The following THSD4 variants were observed in gnomAD, a reference collection of about 807,000 sequenced individuals.
The protein encoded by THSD4 is thrombospondin type 1 domain containing 4.
THSD4 carries 69 observed loss-of-function variants against 119.0 expected under a neutral mutation model. The observed-to-expected ratio is 0.58, with a 90% CI of 0.48 to 0.71. The LOEUF (loss-of-function observed/expected upper bound fraction) is 0.71, where lower values mean the gene tolerates loss of function less well. Ranked by LOEUF, THSD4 falls within the 30% of genes least tolerant of loss-of-function variation. THSD4 has a pLI of 0.00. For synonymous variants in THSD4, 524 were observed against 540.4 expected, an observed-to-expected ratio of 0.97 and a Z score of 0.42; for missense variants, 1,393 against 1,391.1, an observed-to-expected ratio of 1.00 and a Z score of -0.02.
At chr15:71,386,859 C>T (rs1185295310) in intron 6 of THSD4, among the ~76,000 whole-genome samples, 1 of 152,132 alleles carries the variant, frequency 6.6e-6, no homozygotes, top group Non-Finnish European at 1.5e-5. Context: ...CCAGTTGTTT[C>T]CTTGTTTTAG....
intron 6 of THSD4, among the ~76,000 whole-genome samples, chr15:71,343,929 G>A (rs1262805257): frequency 6.6e-6 from 1 of 151,602 alleles, no homozygotes; most frequent in African/African-American, 2.4e-5. Flanking sequence ...GCCTGGGCTG[G>A]TCTTAAACTC....
At chr15:71,553,786 T>G (rs552158206) in intron 7 of THSD4, among the ~76,000 whole-genome samples, 10 of 152,364 alleles carry the variant, frequency 6.6e-5, no homozygotes, top group African/African-American at 2.4e-4. Context: ...AATGCTCATA[T>G]GAGTTGTTTC....
chr15:71,493,191 C>G (rs2047949716), intron 7 of THSD4, among the ~76,000 whole-genome samples: 1 of 152,228 alleles, frequency 6.6e-6, no homozygotes. Flanking sequence ...CGTCAGATTT[C>G]ATGGGCTCTG....
chr15:71,123,662 C>G (rs1362545930), intron 1 of THSD4, among the ~76,000 whole-genome samples: 1 of 152,164 alleles, frequency 6.6e-6, no homozygotes, highest in African/African-American at 2.4e-5. Flanking sequence ...CTGGGGGACC[C>G]AGACAGGCAT....
At chr15:71,399,189 C>G (rs190869915) in intron 6 of THSD4, among the ~76,000 whole-genome samples, 1 of 152,240 alleles carries the variant, frequency 6.6e-6, no homozygotes, top group Non-Finnish European at 1.5e-5. Flanking sequence ...CAGCTGAGCT[C>G]TACCACTTAC....
intron 1 of THSD4, among the ~76,000 whole-genome samples, chr15:71,129,309 A>G (rs1041468141): frequency 1.3e-5 from 2 of 152,114 alleles, no homozygotes; most frequent in Non-Finnish European, 2.9e-5. Flanking sequence ...TTGGAGTGTA[A>G]GAGTATTTCT....
chr15:71,581,067 A>G (rs1016604147), intron 7 of THSD4, among the ~76,000 whole-genome samples: 1 of 152,086 alleles, frequency 6.6e-6, no homozygotes, highest in East Asian at 1.9e-4. Context: ...TTTCCTTTGG[A>G]TATATACTCA....
At chr15:71,634,773 G>T (rs1312257651) in intron 7 of THSD4, among the ~76,000 whole-genome samples, 1 of 152,208 alleles carries the variant, frequency 6.6e-6, no homozygotes, top group Non-Finnish European at 1.5e-5. Context: ...CAAAGAGAAG[G>T]TCATTCCATG....
chr15:71,764,680 T>C (rs1595929262), intron 15 of THSD4, among the ~76,000 whole-genome samples: 3 of 152,226 alleles, frequency 2.0e-5, no homozygotes, highest in Admixed American at 2.0e-4. Flanking sequence ...CCAGAGTCTA[T>C]GGGACAGAGA....
At chr15:71,131,421 G>C (rs1326613164) in intron 1 of THSD4, among the ~76,000 whole-genome samples, 1 of 151,590 alleles carries the variant, frequency 6.6e-6, no homozygotes, top group Non-Finnish European at 1.5e-5. Context: ...AAACATGGCC[G>C]GGCACGGGTG....
intron 8 of THSD4, among the ~76,000 whole-genome samples, chr15:71,673,303 T>G: frequency 6.6e-6 from 1 of 152,310 alleles, no homozygotes; most frequent in Non-Finnish European, 1.5e-5. Flanking sequence ...TCTCTGATGG[T>G]AGTTTGTATT....
chr15:71,669,536 T>G (rs1444786600), intron 8 of THSD4, among the ~76,000 whole-genome samples: 2 of 152,204 alleles, frequency 1.3e-5, no homozygotes, highest in Non-Finnish European at 2.9e-5. Flanking sequence ...GACAGATACC[T>G]TTCACCAAAA....
intron 6 of THSD4, among the ~76,000 whole-genome samples, chr15:71,380,132 C>T (rs1047787051): frequency 9.2e-5 from 14 of 152,068 alleles, no homozygotes; most frequent in African/African-American, 2.9e-4. Context: ...TTTTTGTTTA[C>T]GTACTAAGTT....
chr15:71,474,703 C>T (rs1044371244), intron 7 of THSD4, among the ~76,000 whole-genome samples: 9 of 152,186 alleles, frequency 5.9e-5, no homozygotes, highest in Non-Finnish European at 1.2e-4. Flanking sequence ...CTCCTAGATT[C>T]CCTCTGGGTT....
chr15:71,506,235 A>G (rs2140742500), intron 7 of THSD4, among the ~76,000 whole-genome samples: 1 of 152,230 alleles, frequency 6.6e-6, no homozygotes, highest in East Asian at 1.9e-4. Flanking sequence ...TTTTGCCTCC[A>G]GGTTTGTGTT....
At chr15:71,763,337 G>C (rs1350209635) in intron 15 of THSD4, among the ~76,000 whole-genome samples, 1 of 151,878 alleles carries the variant, frequency 6.6e-6, no homozygotes, top group African/African-American at 2.4e-5. Context: ...AGACATTGTT[G>C]CAGGCTTCTT....
At chr15:71,508,258 G>T (rs753148099) in intron 7 of THSD4, among the ~76,000 whole-genome samples, 15 of 152,120 alleles carry the variant, frequency 9.9e-5, no homozygotes, top group Non-Finnish European at 1.9e-4. Flanking sequence ...CATCACAGTT[G>T]GCTGCCAACT....
At chr15:71,635,330 C>T (rs917116217) in intron 7 of THSD4, among the ~76,000 whole-genome samples, 2 of 151,256 alleles carry the variant, frequency 1.3e-5, no homozygotes, top group Non-Finnish European at 2.9e-5. Context: ...AAATCATAAA[C>T]AATCTCTGCC....
chr15:71,202,150 G>A (rs1169115482), intron 3 of THSD4, among the ~76,000 whole-genome samples: 1 of 152,068 alleles, frequency 6.6e-6, no homozygotes, highest in Non-Finnish European at 1.5e-5. Context: ...AGACTGATCC[G>A]TTCAATCTGG....
Sources: allele counts gnomAD v4.1 joint callset (sites outside exome capture counted in the v4.1 genomes callset), GRCh38; gene constraint gnomAD v4.1.1; transcripts MANE v1.5; gene names NCBI Gene and HGNC (gene_info 2026-07-23, HGNC 2026-07-21).